PTPRD: variants seen among roughly 807,000 people sequenced by gnomAD.
The protein encoded by PTPRD is protein tyrosine phosphatase receptor type D, also known as receptor-type tyrosine-protein phosphatase delta.
In PTPRD, 34 loss-of-function variants were observed where a neutral mutation model predicts 214.5. The observed-to-expected ratio is 0.16, with a 90% CI of 0.12 to 0.21. The LOEUF is 0.21. Ranked by LOEUF, PTPRD falls within the 10% of genes least tolerant of loss-of-function variation. PTPRD has a pLI of 1.00. For synonymous variants in PTPRD, 1,128 were observed against 845.7 expected (o/e 1.33, Z -5.79); for missense variants, 2,545 against 2,398.7 (o/e 1.06, Z -1.27).
chr9:9,202,382 T>C lies in PTPRD; in HGVS notation c.-202-19019A>G, dbSNP rs117908879. Among the ~76,000 whole-genome samples, 785 of 152,302 alleles carry C rather than the reference T, an allele frequency of 5.2e-3. 3 individuals carry two copies. Among genetic ancestry groups the C allele is most frequent in the Non-Finnish European group, 7.9e-3 (536 of 68,034 alleles). On this transcript the variant is annotated intron_variant, in intron 9 of 45. Coordinates refer to ENST00000381196, the MANE Select transcript of PTPRD (RefSeq NM_002839.4). ...TGACATTTTAATTTTCTTTTGGACA[T>C]TTTTCTTATCAAGTAGGAGACATTA...
intron 3 of PTPRD, among the ~76,000 whole-genome samples, chr9:10,255,506 A>G (rs7860302): frequency 0.029 from 4,467 of 152,322 alleles, 210 homozygotes; most frequent in African/African-American, 0.1. Flanking sequence ...AATGGAGGCT[A>G]TAGGACTGGA....
chr9:9,758,465 GA>G (rs1350120306), intron 6 of PTPRD, among the ~76,000 whole-genome samples: 1 of 152,152 alleles, frequency 6.6e-6, no homozygotes, highest in Non-Finnish European at 1.5e-5. Flanking sequence ...CAACACTATA[GA>G]AGTGCCCTCA....
At chr9:8,384,792 C>T (rs531318035) in intron 37 of PTPRD, among the ~76,000 whole-genome samples, 1 of 152,306 alleles carries the variant, frequency 6.6e-6, no homozygotes, top group East Asian at 1.9e-4. Flanking sequence ...TCTCAAAACG[C>T]TGAGATTACA....
chr9:8,920,628 T>G (rs71507663), intron 11 of PTPRD, among the ~76,000 whole-genome samples: 23,843 of 152,002 alleles, frequency 0.16, 1,990 homozygotes, highest in East Asian at 0.26. Flanking sequence ...TTTAAGAAAG[T>G]TTACAAATTT....
rs1360338435 is a variant in PTPRD at position 8,500,981 on chromosome 9, G to A, written c.1901C>T (p.Pro634Leu). ...TSILVSWQPP[P>L]VEKQNGIITE... Reference sequence around the variant, plus strand: ...GATAATGCCATTCTGTTTTTCCACTGGTGGAGGTTGCCAACTTACCAAAAT... The same window carrying A: ...GATAATGCCATTCTGTTTTTCCACTAGTGGAGGTTGCCAACTTACCAAAAT... The change falls in exon 24 of 46, where the codon CCA becomes CTA. Residue 634 changes from proline (P) to leucine (L), a missense_variant. Coordinates refer to ENST00000381196, the MANE Select transcript of PTPRD (RefSeq NM_002839.4). 2 of 1,613,944 alleles carry A rather than the reference G, an allele frequency of 1.2e-6. No individual in the cohort carries two copies.
At chr9:8,370,651 G>C (rs1391332463) in intron 39 of PTPRD, among the ~76,000 whole-genome samples, 1 of 152,028 alleles carries the variant, frequency 6.6e-6, no homozygotes, top group Non-Finnish European at 1.5e-5. Flanking sequence ...ATATAGCAAT[G>C]TGGTATGGAA....
At chr9:8,497,175 T>G in intron 26 of PTPRD, 67 bp downstream of exon 26, 2 of 1,345,922 alleles carry the variant, frequency 1.5e-6, no homozygotes, top group Non-Finnish European at 2.0e-6. Context: ...CACAAATAAG[T>G]GAAAGGATGT....
At chr9:9,167,887 C>T (rs2099907335) in intron 10 of PTPRD, among the ~76,000 whole-genome samples, 1 of 152,180 alleles carries the variant, frequency 6.6e-6, no homozygotes, top group Non-Finnish European at 1.5e-5. Flanking sequence ...ACTGGAGAGA[C>T]ATTGCACTGA....
intron 11 of PTPRD, among the ~76,000 whole-genome samples, chr9:8,818,116 T>A (rs1330738880): frequency 6.6e-6 from 1 of 152,218 alleles, no homozygotes; most frequent in African/African-American, 2.4e-5. Context: ...AAACACTGTA[T>A]AAATCAAGAT....
At position 10,514,522 on chromosome 9, in the gene PTPRD, T is replaced by G. The variant is rs533405514; in HGVS notation, c.-600+97876A>C. On this transcript the variant is annotated intron_variant, in intron 2 of 45. Transcript: ENST00000381196. ...TTGATTTTCTCTTAGGCAATGAATA[T>G]TTTTTATTTTATTGCAGTAAATATT... Among the ~76,000 whole-genome samples the G allele has an allele frequency of 1.4e-4, 21 of 151,958 alleles. No individual in the cohort carries two copies. The South Asian group carries it at 2.3e-3, about 17-fold the overall frequency.
At chr9:10,473,183 T>TG (rs59387377) in intron 2 of PTPRD, among the ~76,000 whole-genome samples, 9 of 151,490 alleles carry the variant, frequency 5.9e-5, no homozygotes, top group Non-Finnish European at 1.0e-4. Context: ...CAAACAGCTG[T>TG]AATTTTGTCT....
chr9:8,520,946 C>G (rs2097878680), intron 20 of PTPRD, among the ~76,000 whole-genome samples: 1 of 151,836 alleles, frequency 6.6e-6, no homozygotes, highest in Non-Finnish European at 1.5e-5. Context: ...AGGTTCTGGT[C>G]TAGTATGTAG....
chr9:10,513,778 C>A (rs944797146), intron 2 of PTPRD, among the ~76,000 whole-genome samples: 1 of 152,102 alleles, frequency 6.6e-6, no homozygotes, highest in African/African-American at 2.4e-5. Flanking sequence ...TCACATTGGA[C>A]ACACAGTGCA....
chr9:9,743,731 T>TACACACACAC (rs4008087), intron 6 of PTPRD, among the ~76,000 whole-genome samples: 7,900 of 80,266 alleles, frequency 0.098, 386 homozygotes, highest in Admixed American at 0.18. Context: ...ACTCAGTCTA[T>TACACACACAC]ACACACACAC....
In PTPRD at chr9:9,579,336, T is replaced by C. The variant is rs560758353; in HGVS notation, c.-286-4555A>G. Among the ~76,000 whole-genome samples the C allele has an allele frequency of 2.0e-3, 312 of 152,282 alleles. 1 individual carries two copies. The highest frequency in any genetic ancestry group is 6.7e-3 in the African/African-American group (280 of 41,568). On this transcript the variant is annotated intron_variant, in intron 7 of 45. Transcript: ENST00000381196. ...AATCCTATCAGGTATTATGAGCATC[T>C]ATGTTGTATAAGTAAGAACACTGAC... is the stretch of plus-strand genomic sequence containing the variant.
chr9:10,328,368 G>A (rs966774173), intron 3 of PTPRD, among the ~76,000 whole-genome samples: 12 of 151,684 alleles, frequency 7.9e-5, no homozygotes, highest in Non-Finnish European at 1.8e-4. Flanking sequence ...CTGTAAAACT[G>A]GTAGGGGGGT....
chr9:9,016,228 C>G (rs1438813644), intron 11 of PTPRD, among the ~76,000 whole-genome samples: 1 of 152,112 alleles, frequency 6.6e-6, no homozygotes, highest in Non-Finnish European at 1.5e-5. Context: ...TTTCTCCACA[C>G]CAGTGTGGAT....
At chr9:10,102,094 C>T (rs1195671857) in intron 3 of PTPRD, among the ~76,000 whole-genome samples, 1 of 151,718 alleles carries the variant, frequency 6.6e-6, no homozygotes, top group East Asian at 1.9e-4. Flanking sequence ...TTAATAAATA[C>T]AAATGCATAT....
At chr9:10,020,125 T>G (rs1400871381) in intron 4 of PTPRD, among the ~76,000 whole-genome samples, 2 of 152,160 alleles carry the variant, frequency 1.3e-5, no homozygotes, top group African/African-American at 4.8e-5. Flanking sequence ...TATTTATTAT[T>G]AATAAGAATA....
Sources: gnomAD v4.1 joint callset for allele counts (sites outside exome capture counted in the v4.1 genomes callset) on GRCh38, gnomAD v4.1.1 for gene constraint, MANE v1.5 for transcripts, NCBI Gene and HGNC (gene_info 2026-07-23, HGNC 2026-07-21) for gene names.